EXOC3L2: variants seen among roughly 807,000 people sequenced by gnomAD.
EXOC3L2 encodes exocyst complex component 3 like 2.
EXOC3L2 carries 17 observed loss-of-function variants against 44.4 expected under a neutral mutation model. That is an observed-to-expected ratio of 0.38 (90% confidence interval 0.26 to 0.57). The LOEUF is 0.57. Ranked by LOEUF, EXOC3L2 falls within the 20% of genes least tolerant of loss-of-function variation. EXOC3L2 has a pLI of 0.65. For synonymous variants in EXOC3L2, 256 were observed against 253.7 expected, an observed-to-expected ratio of 1.01 and a Z score of -0.09; for missense variants, 541 against 588.4, an observed-to-expected ratio of 0.92 and a Z score of 0.83.
chr19:45,217,416 G>A, intron 10 of EXOC3L2, 112 bp downstream of exon 10: 1 of 1,305,918 alleles, frequency 7.7e-7, no homozygotes. Flanking sequence ...TTGGGTGAGA[G>A]TTTCTGTCCT....
chr19:45,215,634 CATGGAACGGATGAGGAA>C (rs1969824448), intron 11 of EXOC3L2, among the ~76,000 whole-genome samples: 1 of 152,186 alleles, frequency 6.6e-6, no homozygotes. Context: ...CTACTATCCC[CATGGAACGGATGAGGAA>C]ACTGAGGCTC....
intron 7 of EXOC3L2, 146 bp from the exon 8 acceptor site, chr19:45,225,059 G>GT: frequency 9.5e-7 from 1 of 1,057,328 alleles, no homozygotes; most frequent in Non-Finnish European, 1.2e-6. Flanking sequence ...CTGGAGAGGG[G>GT]TCAGGGGATG....
chr19:45,227,139 A>G (rs1969972798), intron 7 of EXOC3L2, among the ~76,000 whole-genome samples: 1 of 147,734 alleles, frequency 6.8e-6, no homozygotes, highest in East Asian at 2.0e-4. Context: ...TTTTTTTGAG[A>G]CGGAGTCTTG....
chr19:45,216,374 A>C (rs1350088620), intron 10 of EXOC3L2, among the ~76,000 whole-genome samples, 180 bp from the exon 11 acceptor site: 2 of 152,048 alleles, frequency 1.3e-5, no homozygotes, highest in Non-Finnish European at 1.5e-5. Flanking sequence ...AGGTCAGGAC[A>C]TCGAGACCAA....
intron 11 of EXOC3L2, 49 bp downstream of exon 11, chr19:45,216,024 G>T: frequency 1.2e-6 from 2 of 1,605,290 alleles, no homozygotes; most frequent in Non-Finnish European, 8.5e-7. Flanking sequence ...AGGCCGCCAG[G>T]AGACCTCGGC....
chr19:45,228,932 GT>G (rs1199530408), intron 4 of EXOC3L2, among the ~76,000 whole-genome samples: 1 of 151,798 alleles, frequency 6.6e-6, no homozygotes, highest in African/African-American at 2.4e-5. Context: ...TTAGCCGGGC[GT>G]GGTGGTGGGC....
intron 11 of EXOC3L2, 134 bp from the exon 12 acceptor site, chr19:45,213,491 C>T (rs1969801383): frequency 3.1e-5 from 31 of 1,006,178 alleles, no homozygotes; most frequent in Middle Eastern, 2.3e-4. Context: ...GTGTCCCCTC[C>T]AGAGCCTTCC....
At chr19:45,222,748 A>T (rs181170401) in intron 8 of EXOC3L2, among the ~76,000 whole-genome samples, 36 of 152,324 alleles carry the variant, frequency 2.4e-4, no homozygotes, top group Non-Finnish European at 3.7e-4. Context: ...TTTAACAAAA[A>T]CAAAAAAGCA....
intron 1 of EXOC3L2, among the ~76,000 whole-genome samples, chr19:45,241,089 T>C (rs2122995216): frequency 6.6e-6 from 1 of 152,130 alleles, no homozygotes; most frequent in African/African-American, 2.4e-5. Context: ...TCACTTCCCA[T>C]AGCCCCTACC....
At chr19:45,226,140 G>A (rs1969957794) in intron 7 of EXOC3L2, among the ~76,000 whole-genome samples, 1 of 152,074 alleles carries the variant, frequency 6.6e-6, no homozygotes, top group African/African-American at 2.4e-5. Flanking sequence ...TTTTTCCAGG[G>A]AGGAACCCTG....
intron 7 of EXOC3L2, among the ~76,000 whole-genome samples, chr19:45,227,149 G>C (rs1969972921): frequency 6.7e-6 from 1 of 148,762 alleles, no homozygotes; most frequent in Non-Finnish European, 1.5e-5. Flanking sequence ...ACGGAGTCTT[G>C]CTCTGTCTTC....
At chr19:45,229,248 A>ATGT in intron 4 of EXOC3L2, among the ~76,000 whole-genome samples, 1 of 122,234 alleles carries the variant, frequency 8.2e-6, no homozygotes, top group South Asian at 2.4e-4. Context: ...TATTAAATAT[A>ATGT]TACATATATT....
chr19:45,213,067 C>T lies in EXOC3L2; in HGVS notation c.*2G>A. On this transcript the variant is annotated 3_prime_UTR_variant, in exon 12 of 12. Transcript: ENST00000413988. Reference sequence around the variant, plus strand: ...TCACTAAGGCCGGCGGTTGGGTGACCCTCAGCGCTGGGCCCGAGGTCGCGC... The same window carrying T: ...TCACTAAGGCCGGCGGTTGGGTGACTCTCAGCGCTGGGCCCGAGGTCGCGC... The T allele has an allele frequency of 6.7e-7, 1 of 1,483,768 alleles. No individual in the cohort carries two copies. Among genetic ancestry groups the T allele is most frequent in the Non-Finnish European group, 8.9e-7 (1 of 1,122,260 alleles). The allele number at this position is 1,483,768 out of a possible 1,614,324, so 91.9% of individuals were successfully genotyped here. A position where few individuals can be genotyped will look rare whatever the true frequency, so the allele number is the denominator to read the frequency against.
chr19:45,243,939 T>C (rs999192222), intron 1 of EXOC3L2, among the ~76,000 whole-genome samples: 1 of 151,814 alleles, frequency 6.6e-6, no homozygotes, highest in African/African-American at 2.4e-5. Context: ...TTCTCTTTTA[T>C]TTTTTAGACA....
chr19:45,240,775 G>C (rs1438194241), intron 1 of EXOC3L2, among the ~76,000 whole-genome samples: 1 of 152,066 alleles, frequency 6.6e-6, no homozygotes, highest in Non-Finnish European at 1.5e-5. Flanking sequence ...GTGGTGGCAT[G>C]CACCTGTAAT....
chr19:45,218,158 T>TGGCCCCCC, intron 9 of EXOC3L2, 39 bp downstream of exon 9: 3 of 1,034,902 alleles, frequency 2.9e-6, no homozygotes, highest in Non-Finnish European at 4.0e-6. Context: ...TCCCCTCTTT[T>TGGCCCCCC]CCCCCACCCC....
chr19:45,217,593 G>C lies in EXOC3L2; in HGVS notation c.1933C>G (p.Arg645Gly). The change falls in exon 10 of 12, where the codon CGC (arginine) becomes GGC (glycine). Residue 645 changes from arginine to glycine, a missense_variant. Physicochemically the swap from Arg to Gly is moderately radical, Grantham distance 125. Coordinates refer to ENST00000413988, the MANE Select transcript of EXOC3L2 (RefSeq NM_001382422.1). ...GRLRCSSART[R>G]SRVAGRLRED... ...CGGAGCCTGCCGGCCACGCGGCTGC[G>C]GGTCCGCGCCGAGCTGCAGCGCAGG... is the stretch of plus-strand genomic sequence containing the variant. 6 of 1,532,692 alleles carry C rather than the reference G, an allele frequency of 3.9e-6. No homozygotes were observed. The highest frequency in any genetic ancestry group is 5.2e-6 in the Non-Finnish European group (6 of 1,146,730). The allele number at this position is 1,532,692 out of a possible 1,614,324, so 94.9% of individuals were successfully genotyped here.
At chr19:45,217,804 C>A (rs1201161065) in intron 9 of EXOC3L2, 121 bp from the exon 10 acceptor site, 8 of 1,172,256 alleles carry the variant, frequency 6.8e-6, no homozygotes, top group Non-Finnish European at 7.9e-6. Context: ...CCATGGGCAC[C>A]CTTCCCGTGC....
intron 3 of EXOC3L2, among the ~76,000 whole-genome samples, chr19:45,232,875 C>T (rs940552354): frequency 1.3e-5 from 2 of 151,974 alleles, no homozygotes; most frequent in Non-Finnish European, 1.5e-5. Flanking sequence ...GTCAGGAGTT[C>T]GACACCAGCC....
Sources: gnomAD v4.1 joint callset for allele counts (sites outside exome capture counted in the v4.1 genomes callset) on GRCh38, gnomAD v4.1.1 for gene constraint, MANE v1.5 for transcripts, NCBI Gene and HGNC (gene_info 2026-07-23, HGNC 2026-07-21) for gene names.